Variants in SWT1 observed in about 807,000 individuals in gnomAD.
SWT1 encodes the protein SWT1 RNA endoribonuclease homolog.
Under a neutral mutation model 107.3 loss-of-function variants are expected in SWT1, and 33 were observed. That is an observed-to-expected ratio of 0.31 (90% CI 0.23 to 0.41). SWT1 has a LOEUF of 0.41. Among genes scored for constraint, SWT1 ranks in the 10% least tolerant of loss-of-function variants. The pLI, the probability that SWT1 is intolerant of heterozygous loss-of-function variation, is 1.00. For synonymous variants in SWT1, 345 were observed against 348.3 expected, an observed-to-expected ratio of 0.99 and a Z score of 0.11; for missense variants, 898 against 1,028.9, an observed-to-expected ratio of 0.87 and a Z score of 1.74.
At chr1:185,229,079 A>G (rs1260046355) in intron 15 of SWT1, among the ~76,000 whole-genome samples, 1 of 152,144 alleles carries the variant, frequency 6.6e-6, no homozygotes, top group Non-Finnish European at 1.5e-5. Flanking sequence ...AAGAAATGAC[A>G]AGATCAGGCC....
At chr1:185,224,695 T>C (rs1659920837) in intron 15 of SWT1, among the ~76,000 whole-genome samples, 1 of 152,144 alleles carries the variant, frequency 6.6e-6, no homozygotes, top group Non-Finnish European at 1.5e-5. Context: ...TTTCACCTCC[T>C]TGATTAGGTT....
At chr1:185,202,921 C>T in intron 11 of SWT1, 122 bp downstream of exon 11, 1 of 491,370 alleles carries the variant, frequency 2.0e-6, no homozygotes, top group East Asian at 3.6e-5. Context: ...GTTTGGAATA[C>T]TTGCTGGCAT....
intron 18 of SWT1, among the ~76,000 whole-genome samples, chr1:185,284,756 C>T (rs1330162298): frequency 6.6e-6 from 1 of 152,118 alleles, no homozygotes; most frequent in African/African-American, 2.4e-5. Flanking sequence ...TGTCAGTTAG[C>T]CTAGAGCCCA....
intron 17 of SWT1, among the ~76,000 whole-genome samples, chr1:185,275,117 A>C (rs892222838): frequency 6.6e-6 from 1 of 152,182 alleles, no homozygotes; most frequent in African/African-American, 2.4e-5. Context: ...TTTTATATTC[A>C]TATTTAACAG....
In SWT1 at chr1:185,238,431, T is replaced by A. The variant is rs74134444; in HGVS notation, c.2441+6723T>A. Among the ~76,000 whole-genome samples, 422 of 152,312 alleles carry A rather than the reference T, an allele frequency of 2.8e-3. 2 individuals carry two copies. Among genetic ancestry groups the A allele is most frequent in the African/African-American group, 9.6e-3 (401 of 41,578 alleles). The stretch of plus-strand genomic sequence containing the variant: ...AACCATCAGCAATTCTTAACTTGTT[T>A]GTTGGGGAATTTGTTACAAATGTAA... On this transcript the variant is annotated intron_variant, in intron 16 of 18. Coordinates refer to ENST00000367500, the MANE Select transcript of SWT1 (RefSeq NM_017673.7).
chr1:185,206,200 G>A (rs537634607), intron 12 of SWT1, among the ~76,000 whole-genome samples: 5 of 152,084 alleles, frequency 3.3e-5, no homozygotes, highest in South Asian at 2.1e-4. Flanking sequence ...CTTGTGATAC[G>A]CCCACGTCGG....
chr1:185,257,431 A>C (rs1412583059), intron 16 of SWT1, among the ~76,000 whole-genome samples: 1 of 152,014 alleles, frequency 6.6e-6, no homozygotes, highest in East Asian at 1.9e-4. Flanking sequence ...GCAATCAGCG[A>C]GACTCCGTGG....
intron 16 of SWT1, among the ~76,000 whole-genome samples, chr1:185,238,371 C>G (rs1661043844): frequency 6.6e-6 from 1 of 152,092 alleles, no homozygotes; most frequent in African/African-American, 2.4e-5. Context: ...CATGGGGTTA[C>G]TATTGTGCTT....
In SWT1 at chr1:185,251,798, AT is replaced by A. The variant is rs935775833; in HGVS notation, c.2442-19517del. ...AGTAAAACAATTTATATATATATAT[AT>A]TTTTTTTATTATACTTTAAATTTTA... On this transcript the variant is annotated intron_variant, in intron 16 of 18. Coordinates refer to ENST00000367500, the MANE Select transcript of SWT1 (RefSeq NM_017673.7). 1.6e-3 allele frequency among the ~76,000 whole-genome samples: 231 copies of A among 146,890 alleles called. 3 individuals carry two copies. The highest frequency in any genetic ancestry group is 4.8e-3 in the African/African-American group (184 of 37,986).
chr1:185,195,759 C>A (rs1657333671), intron 10 of SWT1, among the ~76,000 whole-genome samples: 1 of 152,170 alleles, frequency 6.6e-6, no homozygotes, highest in Non-Finnish European at 1.5e-5. Context: ...TAATGATGAG[C>A]CTTTTTCCAT....
At chr1:185,216,557 C>G (rs1320912234) in intron 14 of SWT1, among the ~76,000 whole-genome samples, 1 of 151,944 alleles carries the variant, frequency 6.6e-6, no homozygotes, top group Non-Finnish European at 1.5e-5. Flanking sequence ...CGATAAAAAC[C>G]TACAGATGGG....
At chr1:185,194,745 C>T (rs1218349407) in intron 10 of SWT1, among the ~76,000 whole-genome samples, 1 of 151,940 alleles carries the variant, frequency 6.6e-6, no homozygotes, top group East Asian at 1.9e-4. Flanking sequence ...CCATTTTATT[C>T]TTATGGTTTT....
At chr1:185,256,552 C>A (rs967924701) in intron 16 of SWT1, among the ~76,000 whole-genome samples, 3 of 147,344 alleles carry the variant, frequency 2.0e-5, no homozygotes, top group Non-Finnish European at 4.5e-5. Context: ...TGCTGATACC[C>A]TTTCTTCCAG....
chr1:185,179,524 T>C (rs1299141820), intron 5 of SWT1, among the ~76,000 whole-genome samples: 1 of 152,208 alleles, frequency 6.6e-6, no homozygotes, highest in Non-Finnish European at 1.5e-5. Flanking sequence ...CCCCTGGTGC[T>C]CTAACTACAT....
At chr1:185,197,240 G>T (rs1267361912) in intron 10 of SWT1, among the ~76,000 whole-genome samples, 1 of 152,142 alleles carries the variant, frequency 6.6e-6, no homozygotes, top group African/African-American at 2.4e-5. Flanking sequence ...TTTGTCATTG[G>T]TTCTGTTTAT....
chr1:185,190,440 T>C, intron 9 of SWT1, 109 bp from the exon 10 acceptor site: 1 of 644,908 alleles, frequency 1.6e-6, no homozygotes, highest in South Asian at 1.9e-5. Context: ...ATACCTTAAC[T>C]ACCTTAAATC....
intron 17 of SWT1, among the ~76,000 whole-genome samples, chr1:185,272,359 GTA>G (rs1473561666): frequency 6.6e-6 from 1 of 152,154 alleles, no homozygotes; most frequent in Non-Finnish European, 1.5e-5. Flanking sequence ...AATTTTGTGT[GTA>G]TATGTGTTTA....
At chr1:185,234,175 A>G (rs866253876) in intron 16 of SWT1, among the ~76,000 whole-genome samples, 4 of 151,988 alleles carry the variant, frequency 2.6e-5, no homozygotes, top group Non-Finnish European at 4.4e-5. Flanking sequence ...ATCTTTGTTA[A>G]TTTTCTGTCT....
chr1:185,200,041 G>A (rs13374547), intron 10 of SWT1, among the ~76,000 whole-genome samples: 19,447 of 151,692 alleles, frequency 0.13, 3,237 homozygotes, highest in African/African-American at 0.39. Context: ...CGGTTTGGCT[G>A]TTAATACTTG....
Sources: gnomAD v4.1 joint callset for allele counts (sites outside exome capture counted in the v4.1 genomes callset) on GRCh38, gnomAD v4.1.1 for gene constraint, MANE v1.5 for transcripts, NCBI Gene and HGNC (gene_info 2026-07-23, HGNC 2026-07-21) for gene names.